The following NPSR1 variants were observed in gnomAD, a reference collection of about 807,000 sequenced individuals.
The protein encoded by NPSR1 is neuropeptide S receptor 1.
NPSR1 carries 48 observed loss-of-function variants against 46.9 expected under a neutral mutation model. The ratio of observed to expected loss-of-function variants is 1.02; its 90% confidence interval spans 0.81 to 1.30. The LOEUF is 1.30. NPSR1 is among the 50% of genes most tolerant of loss of function. The pLI, the probability that NPSR1 is intolerant of heterozygous loss-of-function variation, is 0.00. For missense variants in NPSR1, 450 were observed against 449.5 expected (o/e 1.00, Z -0.01); for synonymous variants, 176 against 168.1 (o/e 1.05, Z -0.36).
chr7:34,827,638 T>TGGGACAGGGGGGGGG, intron 5 of NPSR1, 36 bp downstream of exon 5: 1 of 179,992 alleles, frequency 5.6e-6, no homozygotes, highest in South Asian at 3.6e-5. Context: ...CACGGGGGGG[T>TGGGACAGGGGGGGGG]GGGGCGGGGG....
intron 2 of NPSR1, among the ~76,000 whole-genome samples, chr7:34,765,353 G>A (rs1022359307): frequency 1.3e-5 from 2 of 151,876 alleles, no homozygotes; most frequent in Non-Finnish European, 2.9e-5. Context: ...TATTAGACAC[G>A]GACTTTAAAT....
chr7:34,873,059 C>T lies in NPSR1; in HGVS notation c.1026-5017C>T, dbSNP rs985245395. ...CTAGGCCATCACTCTTAAGTTCAAACTTCTATAGAGCCTTAGGGCCTGGAC... is the reference window on the plus strand; with the variant it reads ...CTAGGCCATCACTCTTAAGTTCAAATTTCTATAGAGCCTTAGGGCCTGGAC... On this transcript the variant is annotated intron_variant, in intron 8 of 8. Coordinates refer to the NPSR1 transcript ENST00000359791. Among the ~76,000 whole-genome samples, 26 of 151,830 alleles carry T rather than the reference C, an allele frequency of 1.7e-4. 1 individual carries two copies. The highest frequency in any genetic ancestry group is 3.4e-4 in the Non-Finnish European group (23 of 68,048).
intron 2 of NPSR1, among the ~76,000 whole-genome samples, chr7:34,741,384 T>A (rs952098872): frequency 6.6e-6 from 1 of 152,230 alleles, no homozygotes; most frequent in Non-Finnish European, 1.5e-5. Flanking sequence ...TTTGATTTAC[T>A]TGTACATATT....
chr7:34,792,583 A>G (rs912258886), intron 3 of NPSR1, among the ~76,000 whole-genome samples: 6 of 139,130 alleles, frequency 4.3e-5, no homozygotes, highest in African/African-American at 7.9e-5. Context: ...GTGTGTGTGT[A>G]TATATATACG....
chr7:34,725,120 C>CACACACAT (rs1784073318), intron 2 of NPSR1, among the ~76,000 whole-genome samples: 1 of 151,422 alleles, frequency 6.6e-6, no homozygotes, highest in Non-Finnish European at 1.5e-5. Context: ...CACACACACA[C>CACACACAT]ACACAGACAC....
chr7:34,873,703 C>T (rs78787620), intron 8 of NPSR1, among the ~76,000 whole-genome samples: 10,305 of 151,650 alleles, frequency 0.068, 1,123 homozygotes, highest in African/African-American at 0.2. Context: ...TCCTACCAGG[C>T]CACCACCTCC....
chr7:34,751,356 A>T, intron 2 of NPSR1: 1 of 1,029,826 alleles, frequency 9.7e-7, no homozygotes, highest in Non-Finnish European at 1.5e-6. Flanking sequence ...AAGCAGCTGC[A>T]GAGAGGTCTG....
intron 6 of NPSR1, among the ~76,000 whole-genome samples, chr7:34,837,875 T>C (rs1322697081): frequency 6.6e-6 from 1 of 152,220 alleles, no homozygotes; most frequent in East Asian, 1.9e-4. Flanking sequence ...TTTGTTTTGA[T>C]ATATTTAAAA....
In NPSR1 at chr7:34,830,812, G is replaced by T. The variant is rs137972693; in HGVS notation, c.680+3210G>T. ...GTATCTGCTAGGACAAGATCTACTT[G>T]TTTTTTTTCAAAGATTCCCTGGCTG... On this transcript the variant is annotated intron_variant, in intron 5 of 8. Transcript: ENST00000360581. Among the ~76,000 whole-genome samples, 794 of 151,884 alleles carry T rather than the reference G, an allele frequency of 5.2e-3. 3 individuals are homozygous for T. Among genetic ancestry groups the T allele is most frequent in the African/African-American group, 0.018 (758 of 41,408 alleles).
chr7:34,665,499 C>T (rs1791695974), intron 1 of NPSR1, among the ~76,000 whole-genome samples: 1 of 152,184 alleles, frequency 6.6e-6, no homozygotes, highest in Non-Finnish European at 1.5e-5. Context: ...GCCTACTGGC[C>T]TTTCACATTC....
intron 2 of NPSR1, among the ~76,000 whole-genome samples, chr7:34,703,118 G>A (rs1001064338): frequency 6.6e-6 from 1 of 152,110 alleles, no homozygotes; most frequent in African/African-American, 2.4e-5. Flanking sequence ...CCACCACTTT[G>A]GGAGGCCAAG....
At chr7:34,871,879 C>A (rs1199860091) in intron 8 of NPSR1, among the ~76,000 whole-genome samples, 1 of 151,854 alleles carries the variant, frequency 6.6e-6, no homozygotes, top group Non-Finnish European at 1.5e-5. Context: ...GAGTGGAGTA[C>A]TTGTGGCTTT....
intron 8 of NPSR1, among the ~76,000 whole-genome samples, chr7:34,867,154 A>C (rs949958731): frequency 1.3e-5 from 2 of 151,748 alleles, no homozygotes; most frequent in African/African-American, 4.9e-5. Flanking sequence ...AAGCCAATGA[A>C]TGTCTCTAAG....
chr7:34,848,397 CT>C (rs1790815131), intron 7 of NPSR1, 85 bp from the exon 8 acceptor site: 1 of 1,127,774 alleles, frequency 8.9e-7, no homozygotes, highest in African/African-American at 1.6e-5. Context: ...CAAAGAACCT[CT>C]CAGGTAAAAG....
At chr7:34,685,358 C>T (rs1349957526) in intron 2 of NPSR1, among the ~76,000 whole-genome samples, 1 of 152,024 alleles carries the variant, frequency 6.6e-6, no homozygotes, top group African/African-American at 2.4e-5. Context: ...AAAACACAAC[C>T]AGGGAAAGAG....
At chr7:34,787,673 T>C (rs1415035622) in intron 3 of NPSR1, among the ~76,000 whole-genome samples, 1 of 152,124 alleles carries the variant, frequency 6.6e-6, no homozygotes, top group Non-Finnish European at 1.5e-5. Context: ...TTCAGGGCTA[T>C]TTATTGGCTT....
intron 8 of NPSR1, among the ~76,000 whole-genome samples, chr7:34,870,959 G>T (rs1791440736): frequency 6.6e-6 from 1 of 151,674 alleles, no homozygotes; most frequent in African/African-American, 2.4e-5. Context: ...TGAAAGGAAG[G>T]GTAGATGAAC....
intron 6 of NPSR1, among the ~76,000 whole-genome samples, chr7:34,837,250 T>G (rs17170019): frequency 0.04 from 6,136 of 152,316 alleles, 250 homozygotes; most frequent in African/African-American, 0.11. Flanking sequence ...CAGCCAATAT[T>G]ATCCTAGATG....
downstream of NPSR1, among the ~76,000 whole-genome samples, chr7:34,852,403 TCATTTCA>T (rs1446083979): frequency 2.0e-5 from 3 of 151,884 alleles, no homozygotes; most frequent in African/African-American, 7.3e-5. Flanking sequence ...CTTGAACAAA[TCATTTCA>T]CACCTCTGGG....
Sources: gnomAD v4.1 joint callset for allele counts (sites outside exome capture counted in the v4.1 genomes callset) on GRCh38, gnomAD v4.1.1 for gene constraint, MANE v1.5 for transcripts, NCBI Gene and HGNC (gene_info 2026-07-23, HGNC 2026-07-21) for gene names.